The following TGFBR1 variants were observed in gnomAD, a reference collection of about 807,000 sequenced individuals.
The protein encoded by TGFBR1 is transforming growth factor beta receptor 1.
Under a neutral mutation model 55.1 loss-of-function variants are expected in TGFBR1, and 20 were observed. The ratio of observed to expected loss-of-function variants is 0.36; its 90% CI spans 0.26 to 0.53. The LOEUF (loss-of-function observed/expected upper bound fraction) is 0.53, where lower values mean the gene tolerates loss of function less well. Among genes scored for constraint, TGFBR1 ranks in the 20% least tolerant of loss-of-function variants. The probability of loss-of-function intolerance (pLI) is 0.91; values close to 1 mark genes in which losing one functional copy is unlikely to be tolerated. For synonymous variants in TGFBR1, 220 were observed against 214.8 expected (o/e 1.02, Z -0.21); for missense variants, 385 against 617.6 (o/e 0.62, Z 3.99).
chr9:99,127,165 T>A (rs906888547), intron 1 of TGFBR1, among the ~76,000 whole-genome samples: 2 of 152,094 alleles, frequency 1.3e-5, no homozygotes, highest in Non-Finnish European at 2.9e-5. Flanking sequence ...CGGGGTGAAG[T>A]CTAGGAGAAA....
chr9:99,110,158 T>TGGTTTTA (rs1454792472), intron 1 of TGFBR1, among the ~76,000 whole-genome samples: 1 of 152,198 alleles, frequency 6.6e-6, no homozygotes, highest in Admixed American at 6.5e-5. Flanking sequence ...TAAGTTCAGT[T>TGGTTTTA]GGTTTTATGG....
At chr9:99,125,615 C>T (rs983326321) in intron 1 of TGFBR1, among the ~76,000 whole-genome samples, 2 of 152,116 alleles carry the variant, frequency 1.3e-5, no homozygotes, top group Non-Finnish European at 2.9e-5. Flanking sequence ...CTTTCTTTTA[C>T]AATGACCATG....
rs575317068 is a variant in TGFBR1 at position 99,119,595 on chromosome 9, C to T, written c.98-9260C>T. 1.9e-4 allele frequency among the ~76,000 whole-genome samples: 29 copies of T among 152,278 alleles called. No individual in the cohort carries two copies. In the Middle Eastern group the frequency reaches 0.01, roughly 54 times the overall value. ...TCTTCATCTCTAAAGGAGCTGGGAT[C>T]TGATATTTCTGTTCATATTCCTTCC... On this transcript the variant is annotated intron_variant, in intron 1 of 8. Coordinates refer to ENST00000374994, the MANE Select transcript of TGFBR1 (RefSeq NM_004612.4).
intron 1 of TGFBR1, among the ~76,000 whole-genome samples, chr9:99,126,957 C>T (rs534098452): frequency 2.0e-5 from 3 of 152,272 alleles, no homozygotes; most frequent in Admixed American, 1.3e-4. Flanking sequence ...ATTAAGCCAG[C>T]AACCAAGAAA....
chr9:99,104,980 C>A, upstream of TGFBR1: 1 of 220,800 alleles, frequency 4.5e-6, no homozygotes, highest in Non-Finnish European at 8.2e-6. Flanking sequence ...GCCTGGCGGG[C>A]CCGCAGGCGG....
In TGFBR1 at chr9:99,154,168, GAAATT is replaced by G. The variant is rs958505201; in HGVS notation, c.*4867_*4871del. 4.5e-6 allele frequency: 1 copy of G among 222,474 alleles called. No homozygotes were observed. The highest frequency in any genetic ancestry group is 6.5e-5 in the East Asian group (1 of 15,466). 13.8% of individuals were successfully genotyped at this position (222,474 alleles called of 1,614,324 possible). ...TTTTGTTGAAAGTTGGAAAAAAAGT[GAAATT>G]AAAGACATTCCCAGACAAATACTAA... On this transcript the variant is annotated 3_prime_UTR_variant, in exon 9 of 9. Coordinates refer to ENST00000374994, the MANE Select transcript of TGFBR1 (RefSeq NM_004612.4).
chr9:99,132,582 C>G lies in TGFBR1; in HGVS notation c.417C>G (p.Ile139Met). ...CTGGACCAGTGTGCTTCGTCTGCAT[C>G]TCACTCATGTTGATGGTCTATATCT... ...VIAGPVCFVC[I>M]SLMLMVYICH... Residue 139 changes from isoleucine (I) to methionine (M), a missense_variant, in exon 3 of 9, where the codon ATC becomes ATG. Physicochemically the swap from Ile to Met is conservative, Grantham distance 10. Around this residue, in one of 5 missense-constraint regions of TGFBR1, gnomAD observed 146 missense variants for 167.7 expected, o/e 0.87. Coordinates refer to ENST00000374994, the MANE Select transcript of TGFBR1 (RefSeq NM_004612.4). 6.2e-7 allele frequency: 1 copy of G among 1,614,188 alleles called. No homozygotes were observed. The highest frequency in any genetic ancestry group is 8.5e-7 in the Non-Finnish European group (1 of 1,180,024).
intron 5 of TGFBR1, among the ~76,000 whole-genome samples, chr9:99,144,401 G>A (rs913383475): frequency 1.3e-5 from 2 of 152,098 alleles, no homozygotes; most frequent in African/African-American, 4.8e-5. Flanking sequence ...CTTGGTTCCT[G>A]GGCTGCTGGA....
Position 99,151,235 on chromosome 9 carries a change from A to G in TGFBR1, c.*1930A>G, listed in dbSNP as rs1357231590. 1 of 231,716 alleles carries G rather than the reference A, an allele frequency of 4.3e-6. No homozygotes were observed. The highest frequency in any genetic ancestry group is 8.5e-6 in the Non-Finnish European group (1 of 117,082). The allele number at this position is 231,716 out of a possible 1,614,324, so 14.4% of individuals were successfully genotyped here. A position where few individuals can be genotyped will look rare whatever the true frequency, so the allele number is the denominator to read the frequency against. Reference sequence around the variant, plus strand: ...ATGGGAAAAATGCTTAGAGGTTACTATTTTGACTACAAAGTTGAGTTTTTT... The same window carrying G: ...ATGGGAAAAATGCTTAGAGGTTACTGTTTTGACTACAAAGTTGAGTTTTTT... On this transcript the variant is annotated 3_prime_UTR_variant, in exon 9 of 9. Coordinates refer to ENST00000374994, the MANE Select transcript of TGFBR1 (RefSeq NM_004612.4).
chr9:99,110,352 CT>C (rs1016710134), intron 1 of TGFBR1, among the ~76,000 whole-genome samples: 26 of 151,754 alleles, frequency 1.7e-4, no homozygotes, highest in South Asian at 6.3e-4. Flanking sequence ...TCTCTTCTCT[CT>C]TTTTTTTTCT....
chr9:99,128,630 G>A, intron 1 of TGFBR1: 1 of 679,160 alleles, frequency 1.5e-6, no homozygotes, highest in Non-Finnish European at 2.6e-6. Context: ...AAAAACCTGG[G>A]TCCAAATGTT....
At position 99,149,379 on chromosome 9, in the gene TGFBR1, T is replaced by C; in HGVS notation, c.*74T>C. ...GGTTTTAATTTGGGAGGTCAATTGTTCTACCTCACTGAGAGGGAACAGAAG... is the reference window on the plus strand; with the variant it reads ...GGTTTTAATTTGGGAGGTCAATTGTCCTACCTCACTGAGAGGGAACAGAAG... On this transcript the variant is annotated 3_prime_UTR_variant, in exon 9 of 9. Coordinates refer to ENST00000374994, the MANE Select transcript of TGFBR1 (RefSeq NM_004612.4). 3.2e-6 allele frequency: 5 copies of C among 1,583,708 alleles called. No individual in the cohort carries two copies. The highest frequency in any genetic ancestry group is 4.3e-6 in the Non-Finnish European group (5 of 1,153,998).
At chr9:99,145,051 T>C (rs1296112327) in intron 6 of TGFBR1, among the ~76,000 whole-genome samples, 163 bp downstream of exon 6, 1 of 152,244 alleles carries the variant, frequency 6.6e-6, no homozygotes, top group Non-Finnish European at 1.5e-5. Flanking sequence ...AAGCCAGAGT[T>C]ACCTGACTTA....
intron 2 of TGFBR1, among the ~76,000 whole-genome samples, chr9:99,131,742 G>A (rs1185449638): frequency 6.6e-6 from 1 of 152,190 alleles, no homozygotes; most frequent in African/African-American, 2.4e-5. Context: ...GCCAAGGTAG[G>A]TGGATCACTT....
chr9:99,105,096 C>G (rs1826360765), upstream of TGFBR1: 1 of 884,854 alleles, frequency 1.1e-6, no homozygotes, highest in African/African-American at 1.8e-5. Flanking sequence ...TACAAAGGGC[C>G]GGAGCGAGGC....
Position 99,144,902 on chromosome 9 carries a change from C to T in TGFBR1, c.1130+14C>T, listed in dbSNP as rs757438051. Reference sequence around the variant, plus strand: ...GGGAACAAAAAGGTATACTTTTGAACAACTATATTTAATATCTTCTGAAAT... The same window carrying T: ...GGGAACAAAAAGGTATACTTTTGAATAACTATATTTAATATCTTCTGAAAT... On this transcript the variant is annotated intron_variant, in intron 6 of 8. Coordinates refer to ENST00000374994, the MANE Select transcript of TGFBR1 (RefSeq NM_004612.4). 3.7e-6 allele frequency: 6 copies of T among 1,612,738 alleles called. No homozygotes were observed. Among genetic ancestry groups the T allele is most frequent in the Admixed American group, 1.7e-5 (1 of 59,960 alleles).
intron 1 of TGFBR1, among the ~76,000 whole-genome samples, chr9:99,113,086 A>T (rs1346665099): frequency 6.6e-6 from 1 of 152,130 alleles, no homozygotes; most frequent in African/African-American, 2.4e-5. Flanking sequence ...TTGCAGGTTC[A>T]TGCTATTTTT....
In TGFBR1 at chr9:99,105,344, G is replaced by C; in HGVS notation, c.97+42G>C. On this transcript the variant is annotated intron_variant, in intron 1 of 8. Transcript: ENST00000374994. ...CGGGCGGGCGACTGCGGGGCGCGCG[G>C]GCCGGACCCGGCCTCTGGCTCGCTC... 3 of 979,800 alleles carry C rather than the reference G, an allele frequency of 3.1e-6. No homozygotes were observed. In the South Asian group the frequency reaches 1.4e-4, roughly 44 times the overall value. The allele number at this position is 979,800 out of a possible 1,614,324, so 60.7% of individuals were successfully genotyped here.
chr9:99,112,081 A>G (rs574017857), intron 1 of TGFBR1, among the ~76,000 whole-genome samples: 2 of 152,328 alleles, frequency 1.3e-5, no homozygotes, highest in East Asian at 1.9e-4. Flanking sequence ...TTCATGGTGT[A>G]AAGGGTGGGC....
Sources: gnomAD v4.1 joint callset for allele counts (sites outside exome capture counted in the v4.1 genomes callset) on GRCh38, gnomAD v4.1.1 for gene constraint, gnomAD v4.1.1 regional missense constraint, MANE v1.5 for transcripts, NCBI Gene and HGNC (gene_info 2026-07-23, HGNC 2026-07-21) for gene names.